Variants in CSNK2A2IP observed in about 807,000 individuals in gnomAD.
CSNK2A2IP encodes the protein casein kinase II subunit alpha'-interacting protein.
the CSNK2A2IP span, among the ~76,000 whole-genome samples, chr3:88,414,579 G>A: frequency 1.4e-4 from 22 of 151,748 alleles, no homozygotes; most frequent in Non-Finnish European, 2.6e-4. Flanking sequence ...CAGCACCTAG[G>A]CCAACAAAGA....
At chr3:88,443,692 G>T in the CSNK2A2IP span, among the ~76,000 whole-genome samples, 9 of 151,968 alleles carry the variant, frequency 5.9e-5, no homozygotes, top group Non-Finnish European at 1.2e-4. Flanking sequence ...GGTGTAGACT[G>T]CAGGGCCAGC....
At chr3:88,368,779 G>A in the CSNK2A2IP span, among the ~76,000 whole-genome samples, 4 of 152,092 alleles carry the variant, frequency 2.6e-5, no homozygotes, top group South Asian at 8.3e-4. Context: ...CCCTTGAAGG[G>A]CAGTTCACTT....
the CSNK2A2IP span, among the ~76,000 whole-genome samples, chr3:88,435,254 G>T: frequency 6.6e-6 from 1 of 152,100 alleles, no homozygotes; most frequent in Non-Finnish European, 1.5e-5. Context: ...CACTCCCTGG[G>T]TTGGAAGTTG....
At chr3:88,407,463 A>T in the CSNK2A2IP span, among the ~76,000 whole-genome samples, 2 of 152,076 alleles carry the variant, frequency 1.3e-5, no homozygotes, top group African/African-American at 4.8e-5. Context: ...GGACATCAAA[A>T]TGTCAGCTTC....
the CSNK2A2IP span, among the ~76,000 whole-genome samples, chr3:88,435,873 ATGTGCATTATATATATAATGCACATTATG>A: frequency 0.11 from 15,336 of 140,582 alleles, 1,266 homozygotes; most frequent in East Asian, 0.2. Flanking sequence ...ATAAATTTTA[ATGTGCATTATATATATAATGCACATTATG>A]TGTGCATTAT....
At chr3:88,466,313 A>T in the CSNK2A2IP span, 1 of 1,231,786 alleles carries the variant, frequency 8.1e-7, no homozygotes. Flanking sequence ...CCATTGTTTC[A>T]GCTCAATTCT....
the CSNK2A2IP span, among the ~76,000 whole-genome samples, chr3:88,340,254 C>T: frequency 1.3e-5 from 2 of 151,708 alleles, no homozygotes; most frequent in African/African-American, 2.4e-5. Flanking sequence ...TATTTAGGAG[C>T]ATGATTAAAT....
chr3:88,362,836 C>G, the CSNK2A2IP span, among the ~76,000 whole-genome samples: 2 of 152,304 alleles, frequency 1.3e-5, no homozygotes, highest in East Asian at 3.9e-4. Flanking sequence ...ATCAAAGTTG[C>G]AAGACAAAGT....
chr3:88,414,245 A>G, the CSNK2A2IP span, among the ~76,000 whole-genome samples: 1,695 of 146,048 alleles, frequency 0.012, 42 homozygotes, highest in African/African-American at 0.04. Flanking sequence ...GAAACCTAAA[A>G]TATCAGCAAA....
the CSNK2A2IP span, among the ~76,000 whole-genome samples, chr3:88,343,764 CA>C: frequency 2.6e-5 from 4 of 151,698 alleles, no homozygotes; most frequent in African/African-American, 9.7e-5. Context: ...CATTTAAATC[CA>C]GATTTTTTTC....
the CSNK2A2IP span, among the ~76,000 whole-genome samples, chr3:88,368,687 T>C: frequency 6.6e-6 from 1 of 152,190 alleles, no homozygotes; most frequent in East Asian, 1.9e-4. Context: ...CAGGATTGTT[T>C]GATCCCATGA....
the CSNK2A2IP span, among the ~76,000 whole-genome samples, chr3:88,464,857 C>A: frequency 1.3e-5 from 2 of 152,110 alleles, no homozygotes; most frequent in East Asian, 3.9e-4. Flanking sequence ...TTTGTTTATT[C>A]TTTAGCCCAA....
At chr3:88,459,073 A>G in the CSNK2A2IP span, among the ~76,000 whole-genome samples, 3 of 152,208 alleles carry the variant, frequency 2.0e-5, no homozygotes, top group Non-Finnish European at 4.4e-5. Flanking sequence ...AGTTATTGCA[A>G]TTTCCAATGA....
At chr3:88,382,718 G>A in the CSNK2A2IP span, 16 of 152,128 alleles carry the variant, frequency 1.1e-4, no homozygotes, top group African/African-American at 3.9e-4. Flanking sequence ...ATTAATCATA[G>A]GCTTATCAAT....
the CSNK2A2IP span, among the ~76,000 whole-genome samples, chr3:88,397,765 CTT>C: frequency 1.3e-5 from 2 of 150,290 alleles, no homozygotes; most frequent in African/African-American, 2.4e-5. Context: ...TCTCCTATCT[CTT>C]TTTTTTTTCA....
the CSNK2A2IP span, among the ~76,000 whole-genome samples, chr3:88,384,465 G>A: frequency 6.6e-6 from 1 of 152,114 alleles, no homozygotes; most frequent in Non-Finnish European, 1.5e-5. Flanking sequence ...CTCTGAGGCT[G>A]GAAAGAACAT....
the CSNK2A2IP span, among the ~76,000 whole-genome samples, chr3:88,390,931 A>G: frequency 5.9e-5 from 9 of 152,222 alleles, no homozygotes; most frequent in Non-Finnish European, 8.8e-5. Flanking sequence ...AATTAAAAAC[A>G]TTGGCGCTTA....
chr3:88,428,903 T>G, the CSNK2A2IP span, among the ~76,000 whole-genome samples: 544 of 151,906 alleles, frequency 3.6e-3, 3 homozygotes, highest in Non-Finnish European at 6.0e-3. Context: ...ATTTATAATA[T>G]TTATGTGCAG....
chr3:88,354,634 T>G, the CSNK2A2IP span, among the ~76,000 whole-genome samples: 66,605 of 151,936 alleles, frequency 0.44, 15,848 homozygotes, highest in South Asian at 0.62. Context: ...CACCATGGCT[T>G]GGAAGTAGTA....
Sources: gnomAD v4.1 joint callset for allele counts (sites outside exome capture counted in the v4.1 genomes callset) on GRCh38, gnomAD v4.1.1 for gene constraint, MANE v1.5 for transcripts, NCBI Gene and HGNC (gene_info 2026-07-23, HGNC 2026-07-21) for gene names.